The following DISC1 variants were observed in gnomAD, a reference collection of about 807,000 sequenced individuals.
The protein encoded by DISC1 is DISC1 scaffold protein.
A neutral mutation model predicts 84.5 loss-of-function variants in DISC1; 57 were observed. The observed-to-expected ratio is 0.67, with a 90% CI of 0.55 to 0.84. The LOEUF is 0.84. Among genes scored for constraint, DISC1 ranks in the 40% least tolerant of loss-of-function variants. The pLI, the probability that DISC1 is intolerant of heterozygous loss-of-function variation, is 0.00. For missense variants in DISC1, 1,000 were observed against 1,057.8 expected (o/e 0.95, Z 0.76); for synonymous variants, 411 against 415.2 (o/e 0.99, Z 0.12).
chr1:231,916,881 G>A (rs1365766852), intron 9 of DISC1, among the ~76,000 whole-genome samples: 1 of 152,118 alleles, frequency 6.6e-6, no homozygotes, highest in Non-Finnish European at 1.5e-5. Context: ...GTAAGTTTCT[G>A]TGCACCTAGA....
At chr1:231,891,264 G>A (rs2087189855) in intron 9 of DISC1, among the ~76,000 whole-genome samples, 1 of 152,116 alleles carries the variant, frequency 6.6e-6, no homozygotes, top group Non-Finnish European at 1.5e-5. Flanking sequence ...GAAAGTTTAC[G>A]AATTTGTATT....
At chr1:231,814,179 T>C (rs547879708) in intron 8 of DISC1, among the ~76,000 whole-genome samples, 10 of 152,318 alleles carry the variant, frequency 6.6e-5, no homozygotes, top group African/African-American at 2.4e-4. Context: ...ACATAATTTA[T>C]GTTTAAAAGG....
chr1:231,892,641 G>C (rs1259211305), intron 9 of DISC1, among the ~76,000 whole-genome samples: 1 of 151,436 alleles, frequency 6.6e-6, no homozygotes, highest in Non-Finnish European at 1.5e-5. Flanking sequence ...GGAATCCAGT[G>C]GGGGAAATGA....
At chr1:231,660,007 G>A (rs759837936) in intron 1 of DISC1, among the ~76,000 whole-genome samples, 4 of 152,178 alleles carry the variant, frequency 2.6e-5, no homozygotes, top group African/African-American at 9.7e-5. Context: ...CCAGGGCTGA[G>A]TTCAGGTCCT....
intron 11 of DISC1, among the ~76,000 whole-genome samples, chr1:232,014,217 G>A (rs1314787867): frequency 6.6e-6 from 1 of 152,168 alleles, no homozygotes; most frequent in Non-Finnish European, 1.5e-5. Flanking sequence ...AATGGGTGCA[G>A]ATCTGATTCT....
intron 6 of DISC1, 34 bp from the exon 7 acceptor site, chr1:231,795,208 A>G (rs1237343826): frequency 1.2e-6 from 2 of 1,607,058 alleles, no homozygotes; most frequent in East Asian, 2.2e-5. Flanking sequence ...TGTGGTTACC[A>G]AGAAGACCAA....
intron 9 of DISC1, among the ~76,000 whole-genome samples, chr1:231,902,014 A>T (rs1363919905): frequency 6.6e-6 from 1 of 151,926 alleles, no homozygotes; most frequent in East Asian, 1.9e-4. Flanking sequence ...TTGAATATTT[A>T]TTATATTTAT....
intron 12 of DISC1, among the ~76,000 whole-genome samples, chr1:232,032,130 C>T (rs147256813): frequency 1.3e-3 from 205 of 152,266 alleles, no homozygotes; most frequent in African/African-American, 4.5e-3. Flanking sequence ...TTGAACATCA[C>T]GTCAGTGCTC....
At chr1:231,943,219 G>T (rs949754606) in intron 9 of DISC1, among the ~76,000 whole-genome samples, 1 of 152,256 alleles carries the variant, frequency 6.6e-6, no homozygotes, top group African/African-American at 2.4e-5. Context: ...AACAGATCAG[G>T]AGACAGCTGC....
At position 232,036,864 on chromosome 1, in the gene DISC1, CCA is replaced by C. The variant is rs1390638066; in HGVS notation, c.*34_*35del. 1.1e-5 allele frequency: 17 copies of C among 1,503,014 alleles called. No homozygotes were observed. The highest frequency in any genetic ancestry group is 1.4e-5 in the Non-Finnish European group (15 of 1,111,102). 93.1% of individuals were successfully genotyped at this position (1,503,014 alleles called of 1,614,324 possible). A position where few individuals can be genotyped will look rare whatever the true frequency, so the allele number is the denominator to read the frequency against. ...CGGGATGGGGGAGGGAGGTGGGCCA[CCA>C]TGTTTGGACCCGGGGGGCTGCTCTT... On this transcript the variant is annotated 3_prime_UTR_variant, in exon 13 of 13. Transcript: ENST00000439617.
intron 9 of DISC1, among the ~76,000 whole-genome samples, chr1:231,875,852 A>T (rs960283539): frequency 6.6e-6 from 1 of 152,064 alleles, no homozygotes; most frequent in African/African-American, 2.4e-5. Context: ...GCCACAAATA[A>T]AGAGGACAAA....
intron 11 of DISC1, among the ~76,000 whole-genome samples, chr1:232,025,514 G>A (rs1297494022): frequency 1.3e-5 from 2 of 152,002 alleles, no homozygotes; most frequent in Non-Finnish European, 2.9e-5. Flanking sequence ...TCATCAAATC[G>A]ATCAATACTA....
chr1:231,685,664 G>A (rs1454247071), intron 1 of DISC1, among the ~76,000 whole-genome samples: 1 of 152,098 alleles, frequency 6.6e-6, no homozygotes, highest in Non-Finnish European at 1.5e-5. Flanking sequence ...TATTGGCCAG[G>A]CTGGTCTCGA....
At chr1:231,755,468 T>TC (rs2075025643) in intron 4 of DISC1, among the ~76,000 whole-genome samples, 2 of 152,288 alleles carry the variant, frequency 1.3e-5, no homozygotes, top group South Asian at 4.1e-4. Flanking sequence ...TACTATTTTT[T>TC]CCCAAATTTC....
rs1185087217 is a variant in DISC1, at chr1:231,698,053, A to G, written c.1047+3248A>G. ...GGTGCTCCAGAAACTTTATTCAGGCATGAGTTAGAGTGCTGTTGGCCAGAG... is the reference window on the plus strand; with the variant it reads ...GGTGCTCCAGAAACTTTATTCAGGCGTGAGTTAGAGTGCTGTTGGCCAGAG... On this transcript the variant is annotated intron_variant, in intron 2 of 12. Coordinates refer to ENST00000439617, the MANE Select transcript of DISC1 (RefSeq NM_018662.3). This position sits in a 1 kb window ranked among gnomAD's most constrained non-coding sequence, Gnocchi z 4.9. Among the ~76,000 whole-genome samples, 1 of 152,210 alleles carries G rather than the reference A, an allele frequency of 6.6e-6. No homozygotes were observed. The highest frequency in any genetic ancestry group is 1.5e-5 in the Non-Finnish European group (1 of 68,032).
At chr1:231,678,168 G>A (rs1426081186) in intron 1 of DISC1, among the ~76,000 whole-genome samples, 1 of 152,146 alleles carries the variant, frequency 6.6e-6, no homozygotes, top group African/African-American at 2.4e-5. Flanking sequence ...GAATGAGATC[G>A]TAAATAAAAA....
At chr1:231,902,856 A>C (rs1450757989) in intron 9 of DISC1, among the ~76,000 whole-genome samples, 2 of 152,282 alleles carry the variant, frequency 1.3e-5, no homozygotes, top group East Asian at 3.9e-4. Context: ...TGATGCTCAA[A>C]TAAAGTGCTC....
At chr1:231,676,444 G>A (rs1467223684) in intron 1 of DISC1, among the ~76,000 whole-genome samples, 1 of 152,196 alleles carries the variant, frequency 6.6e-6, no homozygotes, top group African/African-American at 2.4e-5. Flanking sequence ...AATCAGGAGA[G>A]GCTGCGTCTT....
At chr1:231,933,912 C>T (rs2090824269) in intron 9 of DISC1, among the ~76,000 whole-genome samples, 1 of 152,196 alleles carries the variant, frequency 6.6e-6, no homozygotes, top group Admixed American at 6.5e-5. Flanking sequence ...GAGACCGGCA[C>T]TACTTGGAAA....
Sources: allele counts gnomAD v4.1 joint callset (sites outside exome capture counted in the v4.1 genomes callset), GRCh38; gene constraint gnomAD v4.1.1; non-coding constraint Gnocchi (gnomAD v3.1); transcripts MANE v1.5; gene names NCBI Gene and HGNC (gene_info 2026-07-23, HGNC 2026-07-21).